KLF7: variants seen among roughly 807,000 people sequenced by gnomAD.
The protein encoded by KLF7 is Krueppel-like factor 7.
KLF7 carries 2 observed loss-of-function variants against 27.3 expected under a neutral mutation model. The ratio of observed to expected loss-of-function variants is 0.07; its 90% confidence interval spans 0.03 to 0.23. KLF7 has a LOEUF of 0.23. Ranked by LOEUF, KLF7 falls within the 10% of genes least tolerant of loss-of-function variation. The pLI is 1.00. For synonymous variants in KLF7, 165 were observed against 162.4 expected (o/e 1.02, Z -0.12); for missense variants, 221 against 394.1 (o/e 0.56, Z 3.72).
intron 1 of KLF7, among the ~76,000 whole-genome samples, chr2:207,133,747 G>A (rs959093120): frequency 6.6e-6 from 1 of 152,070 alleles, no homozygotes; most frequent in African/African-American, 2.4e-5. Flanking sequence ...GAGGGGGAGG[G>A]GGGGAGCCAT....
chr2:207,105,554 G>A (rs911149557), intron 2 of KLF7, among the ~76,000 whole-genome samples: 1 of 152,170 alleles, frequency 6.6e-6, no homozygotes, highest in African/African-American at 2.4e-5. Context: ...CCAAGAAAGG[G>A]ACACAGAAGC....
chr2:207,129,453 T>C (rs2077566922), intron 1 of KLF7, among the ~76,000 whole-genome samples: 3 of 152,302 alleles, frequency 2.0e-5, no homozygotes, highest in African/African-American at 7.2e-5. Context: ...TTCCTCTATA[T>C]TGATGAGTCA....
intron 2 of KLF7, among the ~76,000 whole-genome samples, chr2:207,101,094 C>A (rs2076755204): frequency 6.6e-6 from 1 of 152,248 alleles, no homozygotes; most frequent in African/African-American, 2.4e-5. Flanking sequence ...ATCTCCGAAA[C>A]ACTTCATCTC....
In KLF7 at chr2:207,080,915, C is replaced by T. The variant is rs559311175; in HGVS notation, c.*298G>A. 684 of 422,960 alleles carry T rather than the reference C, an allele frequency of 1.6e-3. No individual in the cohort carries two copies. Among genetic ancestry groups the T allele is most frequent in the Non-Finnish European group, 2.5e-3 (600 of 240,032 alleles). 26.2% of individuals were successfully genotyped at this position (422,960 alleles called of 1,614,324 possible). A position where few individuals can be genotyped will look rare whatever the true frequency, so the allele number is the denominator to read the frequency against. ...ATTCCAATAGTGCTGAAGTAAGCAG[C>T]CAGTCTGCCTTGCTGAGTTCACCTG... On this transcript the variant is annotated 3_prime_UTR_variant, in exon 4 of 4. Coordinates refer to ENST00000309446, the MANE Select transcript of KLF7 (RefSeq NM_003709.4).
intron 1 of KLF7, among the ~76,000 whole-genome samples, chr2:207,158,465 CTCTT>C (rs1486863581): frequency 1.3e-5 from 2 of 152,156 alleles, no homozygotes; most frequent in African/African-American, 2.4e-5. Context: ...TTCGGGCACT[CTCTT>C]TGTTGGTGAG....
At chr2:207,113,620 G>A (rs796242022) in intron 2 of KLF7, among the ~76,000 whole-genome samples, 1,667 of 107,730 alleles carry the variant, frequency 0.015, 51 homozygotes, top group African/African-American at 0.047. Context: ...GGGGGGGGGG[G>A]AAATGATGCA....
rs1316418213 is a variant in KLF7, at chr2:207,124,227, C to A, written c.280G>T (p.Ala94Ser). 4 of 1,613,988 alleles carry A rather than the reference C, an allele frequency of 2.5e-6. No individual in the cohort carries two copies. Among genetic ancestry groups the A allele is most frequent in the Non-Finnish European group, 3.4e-6 (4 of 1,180,042 alleles). ...TCCCGAGAGAGCAAGATGTCCACTGCCGAGCTCTTCTCACAGATGGCCGCT... is the reference window on the plus strand; with the variant it reads ...TCCCGAGAGAGCAAGATGTCCACTGACGAGCTCTTCTCACAGATGGCCGCT... Reference protein sequence around the residue: ...VEAAICEKSSAVDILLSRDKL... With the variant: ...VEAAICEKSSSVDILLSRDKL... Residue 94 changes from alanine (A) to serine (S), a missense_variant, in exon 2 of 4, where the codon GCA (alanine) becomes TCA (serine). By Grantham distance (99) the Ala-to-Ser change is moderately conservative (BLOSUM62 1). Transcript: ENST00000309446.
intron 1 of KLF7, among the ~76,000 whole-genome samples, chr2:207,130,626 CA>C (rs1302579893): frequency 6.6e-6 from 1 of 152,202 alleles, no homozygotes; most frequent in Admixed American, 6.5e-5. Context: ...ACTATAACTA[CA>C]ACCATGTTTA....
rs1019616489 is a variant in KLF7 at position 207,130,802 on chromosome 2, G to T, written c.103-6398C>A. Among the ~76,000 whole-genome samples the T allele has an allele frequency of 2.5e-4, 38 of 152,316 alleles. No individual in the cohort carries two copies. In the South Asian group the frequency reaches 7.7e-3, roughly 31 times the overall value. Reference sequence around the variant, plus strand: ...CTACCCAATAACTATGCCACTTTGGGTAATTATTGGGAGTCTCTGGATCCA... The same window carrying T: ...CTACCCAATAACTATGCCACTTTGGTTAATTATTGGGAGTCTCTGGATCCA... On this transcript the variant is annotated intron_variant, in intron 1 of 3. Coordinates refer to ENST00000309446, the MANE Select transcript of KLF7 (RefSeq NM_003709.4).
At chr2:207,127,274 C>T (rs918282) in intron 1 of KLF7, among the ~76,000 whole-genome samples, 40,679 of 152,086 alleles carry the variant, frequency 0.27, 6,141 homozygotes, top group East Asian at 0.51. Flanking sequence ...AAGTACCCAT[C>T]GGGATGTGCT....
rs1214930052 is a variant in KLF7 at position 207,074,636 on chromosome 2, G to C, written c.*6577C>G. 1 of 151,750 alleles carries C rather than the reference G, an allele frequency of 6.6e-6. No homozygotes were observed. Among genetic ancestry groups the C allele is most frequent in the Non-Finnish European group, 1.5e-5 (1 of 67,976 alleles). 9.4% of individuals were successfully genotyped at this position (151,750 alleles called of 1,614,324 possible). On this transcript the variant is annotated 3_prime_UTR_variant, in exon 4 of 4. Transcript: ENST00000309446. ...ACCCCTCACCTAAATTATTCCCTCT[G>C]ATCTTTACCCTTCCTCCTTCACAGA...
chr2:207,130,453 A>G (rs1442728030), intron 1 of KLF7, among the ~76,000 whole-genome samples: 1 of 152,244 alleles, frequency 6.6e-6, no homozygotes, highest in South Asian at 2.1e-4. Context: ...CTTATACCAT[A>G]CGTTCCTAAA....
At chr2:207,166,281 G>T, upstream of KLF7, 1 of 658,882 alleles carries the variant, frequency 1.5e-6, no homozygotes, top group Non-Finnish European at 1.9e-6. Flanking sequence ...CTGGCGGCGG[G>T]CGCGGATTGG....
chr2:207,114,597 T>C (rs769361502), intron 2 of KLF7, among the ~76,000 whole-genome samples: 19 of 152,216 alleles, frequency 1.2e-4, no homozygotes, highest in Non-Finnish European at 2.9e-5. Flanking sequence ...AAGACACAGA[T>C]AGAATCCTGC....
intron 2 of KLF7, among the ~76,000 whole-genome samples, chr2:207,099,349 G>A (rs2076702469): frequency 6.6e-6 from 1 of 151,894 alleles, no homozygotes; most frequent in South Asian, 2.1e-4. Flanking sequence ...GCCAGGACAG[G>A]TGGGGAGGGG....
At chr2:207,113,876 C>T (rs574351849) in intron 2 of KLF7, among the ~76,000 whole-genome samples, 1 of 152,072 alleles carries the variant, frequency 6.6e-6, no homozygotes, top group East Asian at 1.9e-4. Flanking sequence ...TTATTTTATC[C>T]CCAGAGAAAT....
rs1376409926 is a variant in KLF7, at chr2:207,080,739, C to T, written c.*474G>A. On this transcript the variant is annotated 3_prime_UTR_variant, in exon 4 of 4. Coordinates refer to ENST00000309446, the MANE Select transcript of KLF7 (RefSeq NM_003709.4). ...TTTCCCCCAACTATTTAAAAAGAAA[C>T]ATTAGTGCTACACATATGCAACTTT... The T allele has an allele frequency of 5.0e-6, 2 of 398,444 alleles. No individual in the cohort carries two copies. The highest frequency in any genetic ancestry group is 3.6e-5 in the East Asian group (1 of 28,088). 24.7% of individuals were successfully genotyped at this position (398,444 alleles called of 1,614,324 possible).
At chr2:207,158,986 T>C (rs186825311) in intron 1 of KLF7, among the ~76,000 whole-genome samples, 2 of 152,350 alleles carry the variant, frequency 1.3e-5, no homozygotes, top group Admixed American at 1.3e-4. Flanking sequence ...ATGCCTCATC[T>C]GGCTTTAACA....
At chr2:207,105,229 G>C (rs974909506) in intron 2 of KLF7, among the ~76,000 whole-genome samples, 1 of 152,236 alleles carries the variant, frequency 6.6e-6, no homozygotes, top group African/African-American at 2.4e-5. Flanking sequence ...TGTGAGATGA[G>C]CTGAAGCTTC....
Sources: allele counts gnomAD v4.1 joint callset (sites outside exome capture counted in the v4.1 genomes callset), GRCh38; gene constraint gnomAD v4.1.1; transcripts MANE v1.5; gene names NCBI Gene and HGNC (gene_info 2026-07-23, HGNC 2026-07-21).